Variants in PARD6G observed in about 807,000 individuals in gnomAD.
PARD6G encodes partitioning defective 6 homolog gamma.
A neutral mutation model predicts 10.7 loss-of-function variants in PARD6G; 7 were observed. The ratio of observed to expected loss-of-function variants is 0.66; its 90% CI spans 0.37 to 1.23. The LOEUF is 1.23. Among genes scored for constraint, PARD6G ranks in the 50% most tolerant of loss-of-function variants. The pLI, the probability that PARD6G is intolerant of heterozygous loss-of-function variation, is 0.02. For missense variants in PARD6G, 548 were observed against 571.8 expected (o/e 0.96, Z 0.42); for synonymous variants, 287 against 269.4 (o/e 1.07, Z -0.64).
rs1442257454 is a variant in PARD6G at position 80,200,732 on chromosome 18, C to A, written c.295+1978G>T. On this transcript the variant is annotated intron_variant, in intron 2 of 2. Transcript: ENST00000353265. The surrounding 1 kb of genome is among the most constrained non-coding windows in gnomAD (Gnocchi z 4.4). ...TAAATGATGAAGACTGAACACAGGGCCCCAGCCAGCAAGCTGGAAAGAGGC... is the reference window on the plus strand; with the variant it reads ...TAAATGATGAAGACTGAACACAGGGACCCAGCCAGCAAGCTGGAAAGAGGC... Among the ~76,000 whole-genome samples, 5 of 152,288 alleles carry A rather than the reference C, an allele frequency of 3.3e-5. No individual in the cohort carries two copies. In the East Asian group the frequency reaches 9.7e-4, roughly 29 times the overall value.
Position 80,195,652 on chromosome 18 carries a change from C to T in PARD6G, c.295+7058G>A, listed in dbSNP as rs1242231447. Reference sequence around the variant, plus strand: ...CAGCACTTTGGGAGGCTGAGGTGGACGGATCACCTGAGGTCAGGAGTTCCA... The same window carrying T: ...CAGCACTTTGGGAGGCTGAGGTGGATGGATCACCTGAGGTCAGGAGTTCCA... On this transcript the variant is annotated intron_variant, in intron 2 of 2. Coordinates refer to ENST00000353265, the MANE Select transcript of PARD6G (RefSeq NM_032510.4). 7.5e-5 allele frequency among the ~76,000 whole-genome samples: 11 copies of T among 146,254 alleles called. No individual in the cohort carries two copies. In the South Asian group the frequency reaches 1.8e-3, roughly 23 times the overall value.
intron 1 of PARD6G, among the ~76,000 whole-genome samples, chr18:80,237,742 A>G (rs981053337): frequency 2.6e-5 from 4 of 152,244 alleles, no homozygotes; most frequent in Admixed American, 6.5e-5. Context: ...AGACACATGA[A>G]AAAATGTTCA....
intron 2 of PARD6G, among the ~76,000 whole-genome samples, chr18:80,186,301 A>G (rs533512819): frequency 7.3e-6 from 1 of 137,874 alleles, no homozygotes; most frequent in Admixed American, 7.4e-5. Flanking sequence ...ACACACCGTC[A>G]TGCACACATG....
chr18:80,195,559 A>ATATATG lies in PARD6G; in HGVS notation c.295+7150_295+7151insCATATA, dbSNP rs1568434484. Among the ~76,000 whole-genome samples, 5 of 95,866 alleles carry ATATATG rather than the reference A, an allele frequency of 5.2e-5. 1 individual carries two copies. In the South Asian group the frequency reaches 1.7e-3, roughly 32 times the overall value. 62.9% of individuals were successfully genotyped at this position (95,866 alleles called of 152,430 possible). A position where few individuals can be genotyped will look rare whatever the true frequency, so the allele number is the denominator to read the frequency against. On this transcript the variant is annotated intron_variant, in intron 2 of 2. Coordinates refer to ENST00000353265, the MANE Select transcript of PARD6G (RefSeq NM_032510.4). Reference sequence around the variant, plus strand: ...AGTCTTCAAAGATACATATATATATATATATATATATATACACACATTTTT... The same window carrying ATATATG: ...AGTCTTCAAAGATACATATATATATATATATGTATATATATATATACACACATTTTT...
intron 2 of PARD6G, among the ~76,000 whole-genome samples, chr18:80,172,336 A>G (rs2052782669): frequency 6.7e-6 from 1 of 149,216 alleles, no homozygotes; most frequent in Non-Finnish European, 1.5e-5. Context: ...AGAGATGTCT[A>G]TTCAGATCCT....
At chr18:80,239,750 C>T (rs1166572950) in intron 1 of PARD6G, among the ~76,000 whole-genome samples, 1 of 152,270 alleles carries the variant, frequency 6.6e-6, no homozygotes, top group Non-Finnish European at 1.5e-5. Context: ...ACTAGTGCCA[C>T]TTACCTTCAC....
chr18:80,232,318 T>C (rs1440860316), intron 1 of PARD6G, among the ~76,000 whole-genome samples: 5 of 152,090 alleles, frequency 3.3e-5, no homozygotes, highest in Non-Finnish European at 7.4e-5. Context: ...GTGGATGAGG[T>C]GGCCAGGCCT....
At chr18:80,213,696 C>G (rs1013774475) in intron 1 of PARD6G, among the ~76,000 whole-genome samples, 2 of 152,120 alleles carry the variant, frequency 1.3e-5, no homozygotes, top group Non-Finnish European at 1.5e-5. Flanking sequence ...CAGTGGCTCA[C>G]GCCTGTAATC....
At chr18:80,240,653 C>G (rs532338650) in intron 1 of PARD6G, among the ~76,000 whole-genome samples, 5 of 152,196 alleles carry the variant, frequency 3.3e-5, no homozygotes, top group Non-Finnish European at 5.9e-5. Flanking sequence ...GGCCTAGAAT[C>G]TCAAACCACC....
chr18:80,205,023 T>G (rs1321775823), intron 1 of PARD6G, among the ~76,000 whole-genome samples: 1 of 152,136 alleles, frequency 6.6e-6, no homozygotes, highest in Non-Finnish European at 1.5e-5. Flanking sequence ...CCCTCTAACC[T>G]ACGGTCTACA....
chr18:80,194,983 A>G lies in PARD6G; in HGVS notation c.295+7727T>C, dbSNP rs997176211. Among the ~76,000 whole-genome samples, 5 of 152,162 alleles carry G rather than the reference A, an allele frequency of 3.3e-5. No individual in the cohort carries two copies. In the South Asian group the frequency reaches 6.2e-4, roughly 19 times the overall value. On this transcript the variant is annotated intron_variant, in intron 2 of 2. Transcript: ENST00000353265. ...TTGCGTCTCACTGTGTGGCTGGGGA[A>G]TAAAACGGCAGGAGGAGGAGGGGAC... is the stretch of plus-strand genomic sequence containing the variant.
rs76202797 is a variant in PARD6G at position 80,209,136 on chromosome 18, A to C, written c.73-6204T>G. ...ACAAACAAACAAACAAAAAAAAAAA[A>C]CACACCTTTCCCTCACCAGTACCCT... On this transcript the variant is annotated intron_variant, in intron 1 of 2. Coordinates refer to ENST00000353265, the MANE Select transcript of PARD6G (RefSeq NM_032510.4). Among the ~76,000 whole-genome samples, 1,394 of 151,834 alleles carry C rather than the reference A, an allele frequency of 9.2e-3. 25 individuals carry two copies. The highest frequency in any genetic ancestry group is 0.032 in the African/African-American group (1,317 of 41,326).
intron 1 of PARD6G, among the ~76,000 whole-genome samples, chr18:80,207,627 C>A (rs958617924): frequency 6.6e-6 from 1 of 152,076 alleles, no homozygotes; most frequent in African/African-American, 2.4e-5. Flanking sequence ...ATAAAATTTA[C>A]CATATTAGCT....
At chr18:80,172,945 A>T (rs1281581779) in intron 2 of PARD6G, among the ~76,000 whole-genome samples, 3 of 152,228 alleles carry the variant, frequency 2.0e-5, no homozygotes, top group African/African-American at 7.2e-5. Flanking sequence ...TAAGTAAAGT[A>T]GCAAATAACA....
intron 2 of PARD6G, among the ~76,000 whole-genome samples, chr18:80,164,995 A>T (rs1245610741): frequency 2.6e-5 from 4 of 152,268 alleles, no homozygotes; most frequent in Non-Finnish European, 5.9e-5. Flanking sequence ...GGCAAAGGGC[A>T]AAAGCAGAAC....
At chr18:80,221,733 G>A (rs1967232567) in intron 1 of PARD6G, among the ~76,000 whole-genome samples, 2 of 152,126 alleles carry the variant, frequency 1.3e-5, no homozygotes, top group African/African-American at 4.8e-5. Flanking sequence ...ACATCAGATT[G>A]GAATGGAAGA....
intron 1 of PARD6G, among the ~76,000 whole-genome samples, chr18:80,209,029 G>A (rs1411389464): frequency 6.6e-6 from 1 of 151,970 alleles, no homozygotes; most frequent in Admixed American, 6.6e-5. Flanking sequence ...GAACATAGGA[G>A]GCAGAGGGTG....
rs2052845088 is a variant in PARD6G at position 80,180,872 on chromosome 18, T to C, written c.296-20266A>G. Among the ~76,000 whole-genome samples the C allele has an allele frequency of 6.6e-6, 1 of 152,088 alleles. No individual in the cohort carries two copies. The highest frequency in any genetic ancestry group is 1.5e-5 in the Non-Finnish European group (1 of 68,000). ...TGGAGACATTCTAATTGGCACAAGT[T>C]GGGGGGAAGCTCCTGGTATCTAGAC... On this transcript the variant is annotated intron_variant, in intron 2 of 2. Coordinates refer to ENST00000353265, the MANE Select transcript of PARD6G (RefSeq NM_032510.4). The surrounding 1 kb of genome is among the most constrained non-coding windows in gnomAD (Gnocchi z 5.6).
In PARD6G at chr18:80,228,665, C is replaced by T. The variant is rs1381983467; in HGVS notation, c.72+18612G>A. ...CACCTAAGGCCCCGCCCACTGAGGC[C>T]CCATCCCCTGCCCACAGACTGCGCC... On this transcript the variant is annotated intron_variant, in intron 1 of 2. Coordinates refer to ENST00000353265, the MANE Select transcript of PARD6G (RefSeq NM_032510.4). This position sits in a 1 kb window ranked among gnomAD's most constrained non-coding sequence, Gnocchi z 4.6. Among the ~76,000 whole-genome samples, 1 of 151,740 alleles carries T rather than the reference C, an allele frequency of 6.6e-6. No individual in the cohort carries two copies. The highest frequency in any genetic ancestry group is 1.9e-4 in the East Asian group (1 of 5,162).
Sources: allele counts gnomAD v4.1 joint callset (sites outside exome capture counted in the v4.1 genomes callset), GRCh38; gene constraint gnomAD v4.1.1; non-coding constraint Gnocchi (gnomAD v3.1); transcripts MANE v1.5; gene names NCBI Gene and HGNC (gene_info 2026-07-23, HGNC 2026-07-21).